The following CTNND2 variants were observed in gnomAD, a reference collection of about 807,000 sequenced individuals.
The protein encoded by CTNND2 is catenin delta 2, also known as catenin delta-2.
A neutral mutation model predicts 144.4 loss-of-function variants in CTNND2; 22 were observed. The ratio of observed to expected loss-of-function variants is 0.15; its 90% CI spans 0.11 to 0.22. The LOEUF (loss-of-function observed/expected upper bound fraction) is 0.22. Among genes scored for constraint, CTNND2 ranks in the 10% least tolerant of loss-of-function variants. The pLI is 1.00. For missense variants in CTNND2, 1,353 were observed against 1,618.8 expected, an observed-to-expected ratio of 0.84 and a Z score of 2.82; for synonymous variants, 751 against 695.6, an observed-to-expected ratio of 1.08 and a Z score of -1.25.
At chr5:11,795,962 G>A (rs1015926625) in intron 1 of CTNND2, among the ~76,000 whole-genome samples, 3 of 152,198 alleles carry the variant, frequency 2.0e-5, no homozygotes, top group Admixed American at 2.0e-4. Flanking sequence ...CAGAGAATCT[G>A]TTTCCTTGTC....
intron 3 of CTNND2, among the ~76,000 whole-genome samples, chr5:11,534,978 G>T (rs954860893): frequency 1.1e-4 from 16 of 152,054 alleles, no homozygotes; most frequent in African/African-American, 3.6e-4. Context: ...CCTGAGGTCA[G>T]GAGTTCAAGA....
Position 11,451,802 on chromosome 5 carries a change from A to G in CTNND2, c.288-39733T>C, listed in dbSNP as rs765778098. ...GCCTATTTTTAATTTGAGAGAAGAA[A>G]TTGACTAAGACATTCATACTGAACA... On this transcript the variant is annotated intron_variant, in intron 3 of 21. Coordinates refer to ENST00000304623, the MANE Select transcript of CTNND2 (RefSeq NM_001332.4). 2.0e-5 allele frequency among the ~76,000 whole-genome samples: 3 copies of G among 152,232 alleles called. No individual in the cohort carries two copies. The East Asian group carries it at 5.8e-4, about 29-fold the overall frequency.
chr5:11,887,902 A>C (rs2127090082), intron 1 of CTNND2, among the ~76,000 whole-genome samples: 1 of 152,346 alleles, frequency 6.6e-6, no homozygotes, highest in African/African-American at 2.4e-5. Context: ...TTGGGGAAGA[A>C]GCCACAAAAG....
At chr5:11,213,560 G>A (rs971493450) in intron 10 of CTNND2, among the ~76,000 whole-genome samples, 38 of 152,238 alleles carry the variant, frequency 2.5e-4, no homozygotes, top group African/African-American at 8.9e-4. Flanking sequence ...ACATTGATAT[G>A]ACACTTGGAT....
intron 3 of CTNND2, among the ~76,000 whole-genome samples, chr5:11,516,367 A>G (rs1405843082): frequency 6.6e-6 from 1 of 151,990 alleles, no homozygotes; most frequent in Admixed American, 6.5e-5. Flanking sequence ...AAATAAAAAT[A>G]AAAGGCACCC....
chr5:11,192,765 T>C (rs1440367732), intron 11 of CTNND2, among the ~76,000 whole-genome samples: 1 of 151,942 alleles, frequency 6.6e-6, no homozygotes, highest in Non-Finnish European at 1.5e-5. Flanking sequence ...GCCAGGTGAG[T>C]CTGTGTCAGG....
intron 2 of CTNND2, among the ~76,000 whole-genome samples, chr5:11,633,082 A>G (rs1781496125): frequency 1.3e-5 from 2 of 152,248 alleles, no homozygotes; most frequent in Non-Finnish European, 2.9e-5. Context: ...TGAAAATATC[A>G]AATGAATAAT....
intron 10 of CTNND2, among the ~76,000 whole-genome samples, chr5:11,217,234 C>T (rs139456586): frequency 3.9e-5 from 6 of 152,300 alleles, no homozygotes; most frequent in Admixed American, 3.9e-4. Flanking sequence ...AGTAAGAAAT[C>T]GTTCATTATA....
chr5:11,438,870 T>C (rs1323132590), intron 3 of CTNND2, among the ~76,000 whole-genome samples: 4 of 152,170 alleles, frequency 2.6e-5, no homozygotes, highest in Non-Finnish European at 5.9e-5. Flanking sequence ...CTAAACTACA[T>C]GGCATTCTCC....
intron 2 of CTNND2, among the ~76,000 whole-genome samples, chr5:11,649,860 C>T (rs1243156078): frequency 6.6e-6 from 1 of 152,134 alleles, no homozygotes; most frequent in Non-Finnish European, 1.5e-5. Context: ...CTCACGATGA[C>T]CATATGACTT....
intron 18 of CTNND2, among the ~76,000 whole-genome samples, chr5:10,994,905 G>T (rs971012807): frequency 6.6e-6 from 1 of 152,154 alleles, no homozygotes; most frequent in Non-Finnish European, 1.5e-5. Flanking sequence ...TTTGCTGGTG[G>T]CATGGCTATT....
intron 3 of CTNND2, among the ~76,000 whole-genome samples, chr5:11,452,890 G>A (rs1039064844): frequency 3.3e-5 from 5 of 152,188 alleles, no homozygotes; most frequent in African/African-American, 1.2e-4. Context: ...ATATGACACT[G>A]ATCAATTGTA....
chr5:11,159,512 G>A (rs1758550872), intron 12 of CTNND2, 64 bp downstream of exon 12: 1 of 1,347,576 alleles, frequency 7.4e-7, no homozygotes, highest in African/African-American at 1.5e-5. Flanking sequence ...CTAAAGTTAT[G>A]GAAAGAGACA....
At chr5:11,281,098 T>C (rs1747064762) in intron 9 of CTNND2, among the ~76,000 whole-genome samples, 1 of 152,172 alleles carries the variant, frequency 6.6e-6, no homozygotes, top group South Asian at 2.1e-4. Flanking sequence ...GTAGCTAGTG[T>C]ATTGCAAAAA....
chr5:11,732,028 A>G, intron 2 of CTNND2, 108 bp downstream of exon 2: 1 of 996,120 alleles, frequency 1.0e-6, no homozygotes, highest in Non-Finnish European at 1.5e-6. Context: ...ACACTCTGCT[A>G]CATGAGTATG....
chr5:11,125,470 C>T (rs181214751), intron 12 of CTNND2, among the ~76,000 whole-genome samples: 3 of 152,334 alleles, frequency 2.0e-5, no homozygotes, highest in East Asian at 1.9e-4. Context: ...CCTCCTCATC[C>T]GGGAGGTGCT....
intron 2 of CTNND2, among the ~76,000 whole-genome samples, chr5:11,602,594 A>G (rs1327964556): frequency 6.6e-6 from 1 of 150,494 alleles, no homozygotes; most frequent in East Asian, 1.9e-4. Flanking sequence ...CATGTTCGAA[A>G]AAGACAGAAA....
chr5:11,354,581 AAC>A, intron 8 of CTNND2, among the ~76,000 whole-genome samples: 1 of 152,212 alleles, frequency 6.6e-6, no homozygotes, highest in East Asian at 1.9e-4. Flanking sequence ...CATTTCCACG[AAC>A]AGTCATATAA....
intron 7 of CTNND2, among the ~76,000 whole-genome samples, chr5:11,382,189 A>AT (rs1758556544): frequency 6.6e-6 from 1 of 152,186 alleles, no homozygotes; most frequent in Admixed American, 6.5e-5. Context: ...GCCATCTATC[A>AT]TAAGTATTTT....
Sources: allele counts gnomAD v4.1 joint callset (sites outside exome capture counted in the v4.1 genomes callset), GRCh38; gene constraint gnomAD v4.1.1; transcripts MANE v1.5; gene names NCBI Gene and HGNC (gene_info 2026-07-23, HGNC 2026-07-21).